Variants in PAPPA2 observed in about 807,000 individuals in gnomAD.
The protein encoded by PAPPA2 is pappalysin-2.
PAPPA2 carries 86 observed loss-of-function variants against 176.4 expected under a neutral mutation model. The ratio of observed to expected loss-of-function variants is 0.49; its 90% confidence interval spans 0.41 to 0.58. The LOEUF is 0.58. PAPPA2 is among the 20% of genes least tolerant of loss of function. The probability of loss-of-function intolerance (pLI) is 0.00; values close to 1 mark genes in which losing one functional copy is unlikely to be tolerated. For synonymous variants in PAPPA2, 809 were observed against 852.2 expected (o/e 0.95, Z 0.88); for missense variants, 2,073 against 2,256.9 (o/e 0.92, Z 1.65).
intron 12 of PAPPA2, among the ~76,000 whole-genome samples, chr1:176,724,411 C>G (rs1279765891): frequency 6.6e-6 from 1 of 152,162 alleles, no homozygotes; most frequent in Non-Finnish European, 1.5e-5. Context: ...ATTTGAGAAG[C>G]AGATACTCAA....
At chr1:176,647,320 T>C (rs936602248) in intron 3 of PAPPA2, among the ~76,000 whole-genome samples, 1 of 151,776 alleles carries the variant, frequency 6.6e-6, no homozygotes, top group African/African-American at 2.4e-5. Context: ...TAATCCCTTG[T>C]CAGATGGGTA....
chr1:176,593,020 C>A (rs957476319), intron 2 of PAPPA2, among the ~76,000 whole-genome samples: 2 of 152,146 alleles, frequency 1.3e-5, no homozygotes, highest in Non-Finnish European at 2.9e-5. Context: ...ACTAAAACCC[C>A]AAAACCAAAA....
At chr1:176,796,597 TTTC>T (rs1312783072) in intron 20 of PAPPA2, among the ~76,000 whole-genome samples, 1 of 120,334 alleles carries the variant, frequency 8.3e-6, no homozygotes, top group Non-Finnish European at 1.8e-5. Context: ...TTTCTTTCTC[TTTC>T]TTTTCTTTTC....
intron 17 of PAPPA2, among the ~76,000 whole-genome samples, chr1:176,779,311 T>G (rs572439454): frequency 1.3e-5 from 2 of 152,208 alleles, no homozygotes; most frequent in South Asian, 4.1e-4. Context: ...TCAAGCCCAT[T>G]GAGTGAACAT....
rs1651875639 is a variant in PAPPA2, at chr1:176,564,915, A to G, written c.919+7674A>G. On this transcript the variant is annotated intron_variant, in intron 2 of 22. Transcript: ENST00000367662. ...GGCACCCAAAAGAAATGCTGTACCCATTAGCCCTACCCACTTCCCTCCCCT... is the reference window on the plus strand; with the variant it reads ...GGCACCCAAAAGAAATGCTGTACCCGTTAGCCCTACCCACTTCCCTCCCCT... Among the ~76,000 whole-genome samples the G allele has an allele frequency of 1.3e-5, 2 of 152,068 alleles. 1 individual carries two copies. The highest frequency in any genetic ancestry group is 4.1e-4 in the South Asian group (2 of 4,822).
intron 2 of PAPPA2, among the ~76,000 whole-genome samples, chr1:176,580,466 C>G (rs1652899246): frequency 1.3e-5 from 2 of 152,200 alleles, no homozygotes; most frequent in African/African-American, 4.8e-5. Flanking sequence ...TGCTGCAAAA[C>G]ATACTGATTT....
intron 17 of PAPPA2, among the ~76,000 whole-genome samples, chr1:176,779,434 T>G (rs750540493): frequency 7.4e-5 from 11 of 149,570 alleles, no homozygotes; most frequent in Non-Finnish European, 5.9e-5. Flanking sequence ...AAGAATTAAG[T>G]AGGGTGGAGA....
intron 14 of PAPPA2, among the ~76,000 whole-genome samples, chr1:176,743,573 C>T (rs1662778689): frequency 3.9e-5 from 6 of 152,164 alleles, no homozygotes; most frequent in Admixed American, 3.9e-4. Flanking sequence ...CCAACCATCC[C>T]AGGATTGTGT....
At position 176,507,924 on chromosome 1, in the gene PAPPA2, T is replaced by A. The variant is rs528206339; in HGVS notation, c.-917+44506T>A. Among the ~76,000 whole-genome samples, 38 of 151,900 alleles carry A rather than the reference T, an allele frequency of 2.5e-4. No homozygotes were observed. In the South Asian group the frequency reaches 6.7e-3, roughly 27 times the overall value. On this transcript the variant is annotated intron_variant, in intron 1 of 22. Coordinates refer to ENST00000367662, the MANE Select transcript of PAPPA2 (RefSeq NM_020318.3). ...AGTAAAAGTTGAAATTTAAAAAAAA[T>A]TATATAAAAAGCAGAAAAGCTACCA...
chr1:176,825,674 A>G (rs192145801), intron 21 of PAPPA2, among the ~76,000 whole-genome samples: 41 of 152,346 alleles, frequency 2.7e-4, no homozygotes, highest in Non-Finnish European at 2.9e-5. Context: ...AATAGAATCT[A>G]AGGTAATTAG....
At chr1:176,765,092 C>T (rs940265826) in intron 14 of PAPPA2, among the ~76,000 whole-genome samples, 1 of 152,210 alleles carries the variant, frequency 6.6e-6, no homozygotes, top group Non-Finnish European at 1.5e-5. Context: ...TGCTAATATT[C>T]AGTGGTATGT....
intron 1 of PAPPA2, among the ~76,000 whole-genome samples, chr1:176,466,525 T>G (rs1651626425): frequency 6.6e-6 from 1 of 152,124 alleles, no homozygotes; most frequent in Non-Finnish European, 1.5e-5. Flanking sequence ...AAGTTTCAAA[T>G]GGTATGATAA....
chr1:176,510,225 A>C (rs1345998799), intron 1 of PAPPA2, among the ~76,000 whole-genome samples: 1 of 150,036 alleles, frequency 6.7e-6, no homozygotes, highest in Non-Finnish European at 1.5e-5. Flanking sequence ...GTATAAAGAA[A>C]ATTTTAAAAA....
chr1:176,747,765 G>T (rs556169988), intron 14 of PAPPA2, among the ~76,000 whole-genome samples: 19 of 152,196 alleles, frequency 1.2e-4, no homozygotes, highest in Non-Finnish European at 2.4e-4. Flanking sequence ...CATCTGTAAG[G>T]CTATAATGAG....
chr1:176,659,909 T>C (rs919137726), intron 3 of PAPPA2, among the ~76,000 whole-genome samples: 1 of 152,130 alleles, frequency 6.6e-6, no homozygotes, highest in African/African-American at 2.4e-5. Flanking sequence ...GTGTATAATT[T>C]TGCTCATTGG....
chr1:176,837,210 G>C (rs1013816905), intron 21 of PAPPA2, among the ~76,000 whole-genome samples: 1 of 152,128 alleles, frequency 6.6e-6, no homozygotes, highest in Non-Finnish European at 1.5e-5. Flanking sequence ...GCAAGAAAAG[G>C]CTTCCTATAA....
At chr1:176,697,027 A>C (rs1272939253) in intron 7 of PAPPA2, among the ~76,000 whole-genome samples, 1 of 152,206 alleles carries the variant, frequency 6.6e-6, no homozygotes, top group Admixed American at 6.5e-5. Context: ...TTTGCATTTC[A>C]TAAAGGGCCA....
chr1:176,516,920 A>G (rs1401486026), intron 1 of PAPPA2, among the ~76,000 whole-genome samples: 3 of 152,092 alleles, frequency 2.0e-5, no homozygotes, highest in East Asian at 3.9e-4. Flanking sequence ...GGTCACTGCC[A>G]TTTTCAGCTT....
rs148196271 is a variant in PAPPA2 at position 176,690,374 on chromosome 1, C to G, written c.2375C>G (p.Thr792Ser). Residue 792 changes from threonine (T) to serine (S), a missense_variant, in exon 5 of 23, where the codon ACC (threonine) becomes AGC (serine). By Grantham distance (58) the Thr-to-Ser change is moderately conservative. Transcript: ENST00000367662. ...CGGGAACCAGAGCCCACTAGTGACA[C>G]CTGTGGCTTCACTCGCTTCCCAGGG... ...LCREPEPTSD[T>S]CGFTRFPGAP... 8 of 1,614,054 alleles carry G rather than the reference C, an allele frequency of 5.0e-6. No individual in the cohort carries two copies. In the African/African-American group the frequency reaches 1.1e-4, roughly 22 times the overall value.
Sources: allele counts gnomAD v4.1 joint callset (sites outside exome capture counted in the v4.1 genomes callset), GRCh38; gene constraint gnomAD v4.1.1; transcripts MANE v1.5; gene names NCBI Gene and HGNC (gene_info 2026-07-23, HGNC 2026-07-21).